CNIH3: variants seen among roughly 807,000 people sequenced by gnomAD.
CNIH3 encodes protein cornichon homolog 3.
In CNIH3, 14 loss-of-function variants were observed where a neutral mutation model predicts 24.1. That is an observed-to-expected ratio of 0.58 (90% CI 0.38 to 0.91). The LOEUF (loss-of-function observed/expected upper bound fraction) is 0.91. Among genes scored for constraint, CNIH3 ranks in the 40% least tolerant of loss-of-function variants. The probability of loss-of-function intolerance (pLI) is 0.00; values close to 1 mark genes in which losing one functional copy is unlikely to be tolerated. For synonymous variants in CNIH3, 68 were observed against 73.8 expected (o/e 0.92, Z 0.40); for missense variants, 178 against 196.8 (o/e 0.90, Z 0.57).
rs117293427 is a variant in CNIH3, at chr1:224,531,212, T to G, written n.344-5724T>G. Among the ~76,000 whole-genome samples the G allele has an allele frequency of 1.3e-4, 20 of 152,230 alleles. No individual in the cohort carries two copies. The East Asian group carries it at 3.7e-3, about 28-fold the overall frequency. On this transcript the variant is annotated intron_variant and non_coding_transcript_variant, in intron 2 of 2. Coordinates refer to the CNIH3 transcript ENST00000470602. ...AGTAACCATTAATAAATACCTGCTGTATGCCAAATACTGCCCTAGGCACTG... is the reference window on the plus strand; with the variant it reads ...AGTAACCATTAATAAATACCTGCTGGATGCCAAATACTGCCCTAGGCACTG...
intron 1 of CNIH3, among the ~76,000 whole-genome samples, chr1:224,459,777 C>T (rs1198681978): frequency 6.6e-6 from 1 of 152,100 alleles, no homozygotes; most frequent in Non-Finnish European, 1.5e-5. Context: ...TTGTGCAAAG[C>T]CCTGGGCCTG....
chr1:224,624,490 A>G (rs1683423724), intron 1 of CNIH3, among the ~76,000 whole-genome samples: 1 of 151,970 alleles, frequency 6.6e-6, no homozygotes, highest in Non-Finnish European at 1.5e-5. Flanking sequence ...TCACAGCCCC[A>G]GTGGGTTTAG....
intron 3 of CNIH3, among the ~76,000 whole-genome samples, chr1:224,608,264 T>C (rs569200056): frequency 6.6e-6 from 1 of 152,286 alleles, no homozygotes; most frequent in South Asian, 2.1e-4. Flanking sequence ...TGAGGGCATA[T>C]TTCTTGGGAG....
intron 1 of CNIH3, among the ~76,000 whole-genome samples, chr1:224,636,672 C>T (rs964904671): frequency 1.3e-5 from 2 of 152,138 alleles, no homozygotes; most frequent in Non-Finnish European, 2.9e-5. Flanking sequence ...ATCTTTACAG[C>T]TGTGTGTACT....
At chr1:224,611,918 G>A (rs567394679), upstream of CNIH3, among the ~76,000 whole-genome samples, 5 of 152,232 alleles carry the variant, frequency 3.3e-5, no homozygotes, top group Middle Eastern at 3.4e-3. Flanking sequence ...TTGAAATAAC[G>A]AGCAGTAACT....
chr1:224,697,289 C>T (rs1243705980), intron 3 of CNIH3, among the ~76,000 whole-genome samples: 9 of 152,152 alleles, frequency 5.9e-5, no homozygotes, highest in South Asian at 2.1e-4. Flanking sequence ...GTTAAAAAAT[C>T]CTGCTGCCTT....
intron 4 of CNIH3, among the ~76,000 whole-genome samples, chr1:224,733,680 C>T (rs1031073490): frequency 6.6e-6 from 1 of 152,198 alleles, no homozygotes; most frequent in African/African-American, 2.4e-5. Flanking sequence ...GTCCCAGAGC[C>T]CAGGGAAGCC....
At chr1:224,637,174 C>T (rs1053151138) in intron 1 of CNIH3, among the ~76,000 whole-genome samples, 3 of 151,988 alleles carry the variant, frequency 2.0e-5, no homozygotes, top group Non-Finnish European at 2.9e-5. Context: ...AGGCTGGTCT[C>T]GAACTCCTGA....
At position 224,704,849 on chromosome 1, in the gene CNIH3, C is replaced by T. The variant is rs1687692724; in HGVS notation, c.198+20006C>T. 6.6e-6 allele frequency among the ~76,000 whole-genome samples: 1 copy of T among 152,126 alleles called. No individual in the cohort carries two copies. The highest frequency in any genetic ancestry group is 2.1e-4 in the South Asian group (1 of 4,828). The stretch of plus-strand genomic sequence containing the variant: ...ATTGCACCAGGCACAGTGGCTCATG[C>T]CTGTAATCCCAGCACTTTGGGAGAC... On this transcript the variant is annotated intron_variant, in intron 3 of 5. Coordinates refer to ENST00000272133, the MANE Select transcript of CNIH3 (RefSeq NM_152495.2). The surrounding 1 kb of genome is among the most constrained non-coding windows in gnomAD (Gnocchi z 4.2).
chr1:224,678,302 A>C (rs1686235503), intron 1 of CNIH3, among the ~76,000 whole-genome samples: 1 of 152,212 alleles, frequency 6.6e-6, no homozygotes, highest in Non-Finnish European at 1.5e-5. Flanking sequence ...ATTCGAATTC[A>C]GTATAAAGCC....
At chr1:224,564,742 C>T (rs1430153763) in intron 3 of CNIH3, among the ~76,000 whole-genome samples, 1 of 152,256 alleles carries the variant, frequency 6.6e-6, no homozygotes, top group Non-Finnish European at 1.5e-5. Flanking sequence ...TGCACTCTGC[C>T]AGCTGCCTGG....
chr1:224,444,467 T>G (rs1220896289), intron 1 of CNIH3, among the ~76,000 whole-genome samples: 2 of 152,150 alleles, frequency 1.3e-5, no homozygotes, highest in Admixed American at 1.3e-4. Flanking sequence ...CAAGTGATTC[T>G]CCTGCCTCAG....
At chr1:224,452,624 AC>A (rs1449227827) in intron 1 of CNIH3, among the ~76,000 whole-genome samples, 1 of 151,462 alleles carries the variant, frequency 6.6e-6, no homozygotes, top group African/African-American at 2.4e-5. Flanking sequence ...TACTAAAAAT[AC>A]AAAAACATTA....
At chr1:224,547,209 A>G (rs1269757542) in intron 3 of CNIH3, among the ~76,000 whole-genome samples, 1 of 152,220 alleles carries the variant, frequency 6.6e-6, no homozygotes, top group African/African-American at 2.4e-5. Flanking sequence ...TAATCTGGAA[A>G]TAATGCCAGA....
chr1:224,611,237 G>C (rs1682684674), intron 3 of CNIH3, among the ~76,000 whole-genome samples: 1 of 152,098 alleles, frequency 6.6e-6, no homozygotes, highest in Non-Finnish European at 1.5e-5. Context: ...AAGTCAGGAG[G>C]GCAAAAGAGC....
intron 1 of CNIH3, among the ~76,000 whole-genome samples, chr1:224,479,219 T>C (rs541444807): frequency 1.7e-4 from 22 of 133,206 alleles, no homozygotes; most frequent in South Asian, 1.1e-3. Context: ...AATGGCGCAA[T>C]CTCGGCTCAC....
In CNIH3 at chr1:224,456,236, C is replaced by T. The variant is rs538703039; in HGVS notation, n.203+21374C>T. ...TCACACCACCTCCTGCTTCTTTTCA[C>T]AAGCTCTGCATTGTTCTGCATAGCA... is the stretch of plus-strand genomic sequence containing the variant. On this transcript the variant is annotated intron_variant and non_coding_transcript_variant, in intron 1 of 5. Transcript: ENST00000471578. Among the ~76,000 whole-genome samples the T allele has an allele frequency of 4.1e-4, 62 of 152,330 alleles. 1 individual carries two copies. In the South Asian group the frequency reaches 0.012, roughly 30 times the overall value.
intron 5 of CNIH3, among the ~76,000 whole-genome samples, chr1:224,585,164 C>A (rs1455553346): frequency 6.6e-6 from 1 of 152,188 alleles, no homozygotes. Flanking sequence ...GTTCATGCCT[C>A]CAAGCCTTTG....
chr1:224,652,612 A>G (rs1457485700), intron 1 of CNIH3, among the ~76,000 whole-genome samples: 2 of 152,124 alleles, frequency 1.3e-5, no homozygotes, highest in African/African-American at 4.8e-5. Context: ...TGTTCCAGGT[A>G]TGGCGAGCCA....
Sources: allele counts gnomAD v4.1 joint callset (sites outside exome capture counted in the v4.1 genomes callset), GRCh38; gene constraint gnomAD v4.1.1; non-coding constraint Gnocchi (gnomAD v3.1); transcripts MANE v1.5; gene names NCBI Gene and HGNC (gene_info 2026-07-23, HGNC 2026-07-21).